TMC7: variants seen among roughly 807,000 people sequenced by gnomAD.
TMC7 encodes the protein transmembrane channel like 7, also known as transmembrane channel-like protein 7.
Under a neutral mutation model 82.9 loss-of-function variants are expected in TMC7, and 54 were observed. The observed-to-expected ratio is 0.65, with a 90% CI of 0.52 to 0.82. The LOEUF (loss-of-function observed/expected upper bound fraction) is 0.82. Ranked by LOEUF, TMC7 falls within the 40% of genes least tolerant of loss-of-function variation. The probability of loss-of-function intolerance (pLI) is 0.00; values close to 1 mark genes in which losing one functional copy is unlikely to be tolerated. For synonymous variants in TMC7, 350 were observed against 337.9 expected, an observed-to-expected ratio of 1.04 and a Z score of -0.39; for missense variants, 820 against 901.2, an observed-to-expected ratio of 0.91 and a Z score of 1.15.
Position 18,990,323 on chromosome 16 carries a change from C to A in TMC7, c.67+6193C>A, listed in dbSNP as rs148211207. Among the ~76,000 whole-genome samples, 180 of 152,268 alleles carry A rather than the reference C, an allele frequency of 1.2e-3. 2 individuals carry two copies. The East Asian group carries it at 0.031, about 26-fold the overall frequency. ...GTGCAAGTCACAGGGGATGCAATGG[C>A]CTGGCTTGGCTTGGGCTCAGAGGCC... On this transcript the variant is annotated intron_variant, in intron 1 of 15. Transcript: ENST00000304381.
chr16:18,999,601 T>C (rs750141342), intron 1 of TMC7, among the ~76,000 whole-genome samples: 2 of 152,150 alleles, frequency 1.3e-5, no homozygotes, highest in Admixed American at 6.6e-5. Flanking sequence ...GCTCAGTAAA[T>C]GTTTCTGAGT....
At chr16:19,053,289 TA>T (rs1358125311) in intron 13 of TMC7, among the ~76,000 whole-genome samples, 26 of 143,326 alleles carry the variant, frequency 1.8e-4, no homozygotes, top group Non-Finnish European at 9.0e-5. Flanking sequence ...GCTTGGTAAT[TA>T]TTTTTTCATT....
chr16:19,021,976 A>G (rs1960000630), intron 4 of TMC7, among the ~76,000 whole-genome samples, 180 bp downstream of exon 4: 1 of 152,190 alleles, frequency 6.6e-6, no homozygotes, highest in Admixed American at 6.5e-5. Flanking sequence ...GTGGAATAAC[A>G]GCATGCAGGC....
chr16:19,044,355 A>T (rs1212730416), intron 9 of TMC7, among the ~76,000 whole-genome samples: 4 of 151,490 alleles, frequency 2.6e-5, no homozygotes, highest in African/African-American at 7.3e-5. Context: ...TTTTATTTTT[A>T]TTTTTTTGTA....
intron 3 of TMC7, among the ~76,000 whole-genome samples, chr16:19,017,851 T>C (rs556943934): frequency 3.2e-4 from 49 of 152,186 alleles, no homozygotes; most frequent in Admixed American, 1.4e-3. Flanking sequence ...TTTGTATTTT[T>C]AGTAGAGACG....
intron 9 of TMC7, among the ~76,000 whole-genome samples, chr16:19,044,538 A>G (rs369694823): frequency 2.0e-5 from 3 of 151,872 alleles, no homozygotes; most frequent in African/African-American, 7.2e-5. Context: ...CGTGGCTCAC[A>G]CCTATAATCC....
intron 7 of TMC7, 50 bp downstream of exon 7, chr16:19,035,873 T>A: frequency 6.6e-7 from 1 of 1,523,440 alleles, no homozygotes; most frequent in South Asian, 1.3e-5. Context: ...AGCAAGGTCC[T>A]GCCTTTGGAG....
At chr16:18,999,430 A>G (rs1331781606) in intron 1 of TMC7, among the ~76,000 whole-genome samples, 4 of 152,158 alleles carry the variant, frequency 2.6e-5, no homozygotes, top group African/African-American at 9.7e-5. Flanking sequence ...CCCCTGACTT[A>G]TTTTTCTCCA....
At chr16:19,037,209 G>A (rs1567521216) in intron 7 of TMC7, among the ~76,000 whole-genome samples, 1 of 151,592 alleles carries the variant, frequency 6.6e-6, no homozygotes, top group Non-Finnish European at 1.5e-5. Context: ...CCAATATGGT[G>A]AAACCCCGTC....
chr16:19,015,459 A>G (rs1258057985), intron 2 of TMC7, among the ~76,000 whole-genome samples: 1 of 151,314 alleles, frequency 6.6e-6, no homozygotes, highest in African/African-American at 2.4e-5. Context: ...ATAATATCCT[A>G]TTGTGTGGAT....
At chr16:18,991,382 G>A (rs1262887287) in intron 1 of TMC7, among the ~76,000 whole-genome samples, 3 of 152,152 alleles carry the variant, frequency 2.0e-5, no homozygotes, top group Non-Finnish European at 4.4e-5. Context: ...TTATTTGCTT[G>A]GTTGGCAAGT....
intron 1 of TMC7, among the ~76,000 whole-genome samples, chr16:18,990,704 C>T (rs776811813): frequency 1.3e-5 from 2 of 152,074 alleles, no homozygotes; most frequent in Non-Finnish European, 2.9e-5. Flanking sequence ...GTTTTCGGGG[C>T]AGGAGGTGGA....
intron 1 of TMC7, among the ~76,000 whole-genome samples, chr16:18,989,052 CAAA>C (rs11351746): frequency 1.5e-4 from 17 of 111,042 alleles, no homozygotes; most frequent in Admixed American, 1.9e-4. Flanking sequence ...GACTCTGTCT[CAAA>C]AAAAAAAAAA....
chr16:19,000,884 G>A (rs1396899901), intron 1 of TMC7, among the ~76,000 whole-genome samples: 1 of 152,248 alleles, frequency 6.6e-6, no homozygotes, highest in East Asian at 1.9e-4. Context: ...ACTGGGTGTG[G>A]TGGCACACAC....
At chr16:18,987,627 G>A (rs779682278) in intron 1 of TMC7, among the ~76,000 whole-genome samples, 35 of 152,296 alleles carry the variant, frequency 2.3e-4, no homozygotes, top group Non-Finnish European at 4.7e-4. Flanking sequence ...TTCCTAGAAT[G>A]TGGATGCCTT....
intron 7 of TMC7, among the ~76,000 whole-genome samples, chr16:19,036,131 A>T (rs1960736524): frequency 6.6e-6 from 1 of 152,120 alleles, no homozygotes; most frequent in African/African-American, 2.4e-5. Context: ...CCACCTGAGG[A>T]GGACCTGTCA....
intron 4 of TMC7, 112 bp downstream of exon 4, chr16:19,021,908 G>C: frequency 7.8e-7 from 1 of 1,284,032 alleles, no homozygotes; most frequent in Non-Finnish European, 1.1e-6. Flanking sequence ...GACTGTATTA[G>C]TCAGGATGGT....
rs767915875 is a variant in TMC7 at position 19,023,121 on chromosome 16, T to C, written c.637T>C (p.Cys213Arg). Residue 213 changes from cysteine to arginine, a missense_variant, in exon 5 of 16, where the codon TGT becomes CGT. Cys to Arg is a radical substitution (Grantham distance 180). Transcript: ENST00000304381. ...LIPFKDMDKQ[C>R]TVYPVSSSGL... ...GTTTTTGTTTCTTACAGATAAACAA[T>C]GTACAGTCTATCCAGTAAGCAGTTC... 3 of 1,604,072 alleles carry C rather than the reference T, an allele frequency of 1.9e-6. No homozygotes were observed. The highest frequency in any genetic ancestry group is 2.2e-5 in the South Asian group (2 of 90,272).
chr16:19,040,607 T>C (rs1455241588), intron 9 of TMC7, among the ~76,000 whole-genome samples, 161 bp downstream of exon 9: 1 of 152,154 alleles, frequency 6.6e-6, no homozygotes, highest in Non-Finnish European at 1.5e-5. Flanking sequence ...TCAGAATTTG[T>C]ATATATGGTG....
Sources: gnomAD v4.1 joint callset for allele counts (sites outside exome capture counted in the v4.1 genomes callset) on GRCh38, gnomAD v4.1.1 for gene constraint, MANE v1.5 for transcripts, NCBI Gene and HGNC (gene_info 2026-07-23, HGNC 2026-07-21) for gene names.